WBP1L: variants seen among roughly 807,000 people sequenced by gnomAD.
The protein encoded by WBP1L is WW domain binding protein 1 like.
Under a neutral mutation model 33.7 loss-of-function variants are expected in WBP1L, and 17 were observed. The ratio of observed to expected loss-of-function variants is 0.50; its 90% CI spans 0.34 to 0.76. The LOEUF (loss-of-function observed/expected upper bound fraction) is 0.76. Ranked by LOEUF, WBP1L falls within the 30% of genes least tolerant of loss-of-function variation. The pLI is 0.01. For synonymous variants in WBP1L, 173 were observed against 190.8 expected (o/e 0.91, Z 0.77); for missense variants, 389 against 469.4 (o/e 0.83, Z 1.58).
chr10:102,775,689 C>G (rs927896934), intron 1 of WBP1L, among the ~76,000 whole-genome samples: 1 of 152,118 alleles, frequency 6.6e-6, no homozygotes, highest in African/African-American at 2.4e-5. Context: ...CTCTCCAAGC[C>G]CCCGCTGCGA....
At chr10:102,774,367 T>C (rs1035359590) in intron 1 of WBP1L, among the ~76,000 whole-genome samples, 9 of 152,092 alleles carry the variant, frequency 5.9e-5, no homozygotes, top group African/African-American at 2.2e-4. Context: ...GGCTTCCCAG[T>C]CCCCAAACAC....
chr10:102,762,742 G>A (rs1349318807), intron 1 of WBP1L, among the ~76,000 whole-genome samples: 1 of 152,180 alleles, frequency 6.6e-6, no homozygotes, highest in Non-Finnish European at 1.5e-5. Context: ...GAGAAACGTG[G>A]AAAAATGAAG....
chr10:102,787,966 C>G (rs1843440941), intron 1 of WBP1L, among the ~76,000 whole-genome samples: 1 of 151,052 alleles, frequency 6.6e-6, no homozygotes, highest in Admixed American at 6.6e-5. Context: ...GATGTCCCAG[C>G]TACTCGGGAG....
At chr10:102,776,226 G>A in intron 1 of WBP1L, 1 of 1,524,928 alleles carries the variant, frequency 6.6e-7, no homozygotes, top group African/African-American at 1.4e-5. Flanking sequence ...GAGACAGTGT[G>A]CCTGCTCGGT....
At chr10:102,749,004 A>G (rs971290031) in intron 1 of WBP1L, among the ~76,000 whole-genome samples, 6 of 152,070 alleles carry the variant, frequency 3.9e-5, no homozygotes, top group Non-Finnish European at 7.4e-5. Flanking sequence ...TTGTGTGTGG[A>G]TGTGTAGAGG....
At chr10:102,780,148 A>T (rs1843317569) in intron 1 of WBP1L, among the ~76,000 whole-genome samples, 1 of 152,154 alleles carries the variant, frequency 6.6e-6, no homozygotes, top group Admixed American at 6.5e-5. Context: ...AAGGGCAGAT[A>T]AACTGTAGGA....
At chr10:102,766,456 A>G (rs1843111389) in intron 1 of WBP1L, among the ~76,000 whole-genome samples, 1 of 150,144 alleles carries the variant, frequency 6.7e-6, no homozygotes, top group Non-Finnish European at 1.5e-5. Flanking sequence ...AAAAAAAAAA[A>G]AAAAAAGGAA....
At chr10:102,788,942 G>T (rs1469741386) in intron 1 of WBP1L, among the ~76,000 whole-genome samples, 6 of 152,100 alleles carry the variant, frequency 3.9e-5, no homozygotes, top group Non-Finnish European at 1.5e-5. Flanking sequence ...GTACTTTGGA[G>T]ATTATTTTAT....
At position 102,786,814 on chromosome 10, in the gene WBP1L, C is replaced by A. The variant is rs115598665; in HGVS notation, c.91-11179C>A. On this transcript the variant is annotated intron_variant, in intron 1 of 3. Transcript: ENST00000448841. ...GGGGACCATGACACTGTGGGCTCAT[C>A]TTGAAGCAGCAGCCATCTCTTTTGA... Among the ~76,000 whole-genome samples the A allele has an allele frequency of 7.9e-3, 1,207 of 152,296 alleles. 10 individuals are homozygous for A. Among genetic ancestry groups the A allele is most frequent in the African/African-American group, 0.028 (1,157 of 41,564 alleles).
chr10:102,761,118 G>T (rs1055472595), intron 1 of WBP1L, among the ~76,000 whole-genome samples: 6 of 136,940 alleles, frequency 4.4e-5, no homozygotes, highest in Admixed American at 4.4e-4. Context: ...TGTTGGCCAG[G>T]CTGTTTTTTT....
chr10:102,772,491 C>T (rs1431646865), intron 1 of WBP1L, among the ~76,000 whole-genome samples: 1 of 149,274 alleles, frequency 6.7e-6, no homozygotes, highest in African/African-American at 2.5e-5. Context: ...GAACTCCTGA[C>T]CTCAGGTGAT....
At chr10:102,792,707 G>C (rs1403910214) in intron 1 of WBP1L, among the ~76,000 whole-genome samples, 1 of 148,240 alleles carries the variant, frequency 6.7e-6, no homozygotes, top group East Asian at 2.0e-4. Context: ...CGATTCTTCT[G>C]CCTCAGGCTC....
At chr10:102,757,524 C>G (rs979454991) in intron 1 of WBP1L, among the ~76,000 whole-genome samples, 3 of 150,442 alleles carry the variant, frequency 2.0e-5, no homozygotes, top group African/African-American at 7.3e-5. Context: ...TGTCCCCAAC[C>G]TCCATTTGGC....
chr10:102,811,896 T>C (rs1843847018), intron 3 of WBP1L, among the ~76,000 whole-genome samples: 1 of 152,198 alleles, frequency 6.6e-6, no homozygotes, highest in South Asian at 2.1e-4. Flanking sequence ...TTAGTAATGT[T>C]ATATTATAAT....
intron 3 of WBP1L, among the ~76,000 whole-genome samples, chr10:102,811,041 A>G (rs1843835189): frequency 6.6e-6 from 1 of 151,570 alleles, no homozygotes; most frequent in African/African-American, 2.4e-5. Flanking sequence ...AACAATAATT[A>G]TTAACATTTA....
Position 102,797,984 on chromosome 10 carries a change from A to AT in WBP1L, c.91-3dup. ...TTTAATATGCTAACATGCTTTTTTA[A>AT]TTTTTTAGGATAAGGAAGCCTGTGT... On this transcript the variant is annotated splice_polypyrimidine_tract_variant and intron_variant, in intron 1 of 3. Coordinates refer to ENST00000448841, the MANE Select transcript of WBP1L (RefSeq NM_001083913.2). 6.2e-7 allele frequency: 1 copy of AT among 1,612,674 alleles called. No individual in the cohort carries two copies. The highest frequency in any genetic ancestry group is 8.5e-7 in the Non-Finnish European group (1 of 1,179,480).
intron 1 of WBP1L, among the ~76,000 whole-genome samples, chr10:102,761,504 T>C (rs1432055601): frequency 1.3e-5 from 2 of 151,938 alleles, no homozygotes; most frequent in Non-Finnish European, 2.9e-5. Flanking sequence ...TTGCCCAGGC[T>C]GGAGTGCAAT....
chr10:102,794,501 T>G (rs779221832), intron 1 of WBP1L, among the ~76,000 whole-genome samples: 2 of 151,790 alleles, frequency 1.3e-5, no homozygotes, highest in Non-Finnish European at 2.9e-5. Context: ...AAAAGAAAAT[T>G]TAAGGAGACA....
chr10:102,767,459 C>A (rs1843125118), intron 1 of WBP1L, among the ~76,000 whole-genome samples: 1 of 152,116 alleles, frequency 6.6e-6, no homozygotes. Flanking sequence ...GATTTTGAGG[C>A]TGCAGTGTAT....
Sources: allele counts gnomAD v4.1 joint callset (sites outside exome capture counted in the v4.1 genomes callset), GRCh38; gene constraint gnomAD v4.1.1; transcripts MANE v1.5; gene names NCBI Gene and HGNC (gene_info 2026-07-23, HGNC 2026-07-21).